The following PIEZO2 variants were observed in gnomAD, a reference collection of about 807,000 sequenced individuals.
The protein encoded by PIEZO2 is piezo type mechanosensitive ion channel component 2.
Under a neutral mutation model 337.3 loss-of-function variants are expected in PIEZO2, and 172 were observed. The observed-to-expected ratio is 0.51, with a 90% confidence interval of 0.45 to 0.58. The LOEUF (loss-of-function observed/expected upper bound fraction) is 0.58, where lower values mean the gene tolerates loss of function less well. Ranked by LOEUF, PIEZO2 falls within the 20% of genes least tolerant of loss-of-function variation. PIEZO2 has a pLI of 0.00. For missense variants in PIEZO2, 3,028 were observed against 3,391.3 expected (o/e 0.89, Z 2.66); for synonymous variants, 1,251 against 1,228.5 (o/e 1.02, Z -0.38).
intron 35 of PIEZO2, among the ~76,000 whole-genome samples, chr18:10,732,442 C>T (rs2036826362): frequency 6.6e-6 from 1 of 152,154 alleles, no homozygotes; most frequent in Admixed American, 6.6e-5. Context: ...TTTCTGAAAT[C>T]TTTGAAAAAC....
At chr18:10,762,772 G>A (rs2038191332) in intron 22 of PIEZO2, 147 bp from the exon 23 acceptor site, 2 of 1,313,348 alleles carry the variant, frequency 1.5e-6, no homozygotes, top group Non-Finnish European at 2.0e-6. Context: ...ATGAGACGAG[G>A]CTTAACACAG....
Position 11,109,450 on chromosome 18 carries a change from TC to T in PIEZO2, c.64+39074del, listed in dbSNP as rs1479317338. Among the ~76,000 whole-genome samples the T allele has an allele frequency of 6.6e-6, 1 of 152,126 alleles. No homozygotes were observed. Among genetic ancestry groups the T allele is most frequent in the Non-Finnish European group, 1.5e-5 (1 of 68,022 alleles). ...TTAGAAATAGGCCAGGCGCGGTGGC[TC>T]ATGTCTGTAATCCCAGCACTTTGGG... On this transcript the variant is annotated intron_variant, in intron 1 of 55. Coordinates refer to ENST00000674853, the MANE Select transcript of PIEZO2 (RefSeq NM_001378183.1). This position sits in a 1 kb window ranked among gnomAD's most constrained non-coding sequence, Gnocchi z 5.1.
chr18:10,718,646 T>C (rs151288474), intron 36 of PIEZO2, among the ~76,000 whole-genome samples: 1 of 152,356 alleles, frequency 6.6e-6, no homozygotes, highest in African/African-American at 2.4e-5. Flanking sequence ...GTATATTATC[T>C]ATAGCTGCTT....
intron 32 of PIEZO2, among the ~76,000 whole-genome samples, chr18:10,741,569 G>A (rs2037218038): frequency 6.6e-6 from 1 of 152,130 alleles, no homozygotes. Context: ...TAGATACTAT[G>A]CACTGGGAAA....
At chr18:10,812,812 T>C (rs1372617504) in intron 7 of PIEZO2, among the ~76,000 whole-genome samples, 1 of 152,114 alleles carries the variant, frequency 6.6e-6, no homozygotes, top group African/African-American at 2.4e-5. Context: ...TGTTGGCAGA[T>C]TTATAAAACC....
At chr18:10,913,116 T>C (rs1367733408) in intron 3 of PIEZO2, among the ~76,000 whole-genome samples, 1 of 152,164 alleles carries the variant, frequency 6.6e-6, no homozygotes, top group African/African-American at 2.4e-5. Flanking sequence ...TTTTTAAAAA[T>C]ATTGTTATTT....
intron 26 of PIEZO2, among the ~76,000 whole-genome samples, chr18:10,758,921 T>C (rs1162286605): frequency 6.6e-6 from 1 of 152,126 alleles, no homozygotes; most frequent in Non-Finnish European, 1.5e-5. Context: ...GCTTTTAAAA[T>C]TAAACCTAAA....
intron 23 of PIEZO2, among the ~76,000 whole-genome samples, chr18:10,762,040 G>C (rs1488581828): frequency 6.6e-6 from 1 of 152,198 alleles, no homozygotes; most frequent in Non-Finnish European, 1.5e-5. Flanking sequence ...AATTTACACA[G>C]CGAAAATGTC....
Position 10,807,289 on chromosome 18 carries a change from A to G in PIEZO2, c.918-15T>C, listed in dbSNP as rs1047166878. 6.5e-7 allele frequency: 1 copy of G among 1,529,692 alleles called. No homozygotes were observed. The highest frequency in any genetic ancestry group is 8.8e-7 in the Non-Finnish European group (1 of 1,141,578). The allele number at this position is 1,529,692 out of a possible 1,614,324, so 94.8% of individuals were successfully genotyped here. ...TACCAAACAACCTGTTAAAAAACAA[A>G]GAAAAATGCTTAAAAGATGCAATAA... On this transcript the variant is annotated splice_polypyrimidine_tract_variant and intron_variant, in intron 7 of 55. Transcript: ENST00000674853.
chr18:10,694,049 T>C (rs1338294491), intron 47 of PIEZO2, among the ~76,000 whole-genome samples: 2 of 152,210 alleles, frequency 1.3e-5, no homozygotes, highest in Non-Finnish European at 2.9e-5. Flanking sequence ...ACTGGGTTAT[T>C]GTGTCTCTTC....
chr18:10,721,896 C>T (rs915973191), intron 36 of PIEZO2, among the ~76,000 whole-genome samples: 4 of 152,132 alleles, frequency 2.6e-5, no homozygotes, highest in Non-Finnish European at 4.4e-5. Context: ...TGGCTCATGC[C>T]TGTAATCCCA....
chr18:10,688,288 A>G (rs2034644014), intron 49 of PIEZO2, among the ~76,000 whole-genome samples: 1 of 152,204 alleles, frequency 6.6e-6, no homozygotes, highest in Non-Finnish European at 1.5e-5. Context: ...TAGTTTGCTG[A>G]GAATGATGGC....
At chr18:10,800,213 G>T in intron 11 of PIEZO2, 124 bp downstream of exon 11, 1 of 1,307,442 alleles carries the variant, frequency 7.6e-7, no homozygotes, top group South Asian at 1.5e-5. Flanking sequence ...AAAGAAGTGA[G>T]GTTAATGACA....
rs920467602 is a variant in PIEZO2, at chr18:10,861,209, C to G, written c.493-3998G>C. The stretch of plus-strand genomic sequence containing the variant: ...AAGCTGTCCCTGCAGCGGAACAGAA[C>G]TTCAATCTGGCCTTGAGGCTAAGGA... On this transcript the variant is annotated intron_variant, in intron 5 of 55. Transcript: ENST00000674853. The surrounding 1 kb of genome is among the most constrained non-coding windows in gnomAD (Gnocchi z 4.3). 1.3e-5 allele frequency among the ~76,000 whole-genome samples: 2 copies of G among 152,212 alleles called. No homozygotes were observed. The highest frequency in any genetic ancestry group is 1.3e-4 in the Admixed American group (2 of 15,288).
chr18:10,757,829 C>T, intron 27 of PIEZO2, 140 bp downstream of exon 27: 1 of 965,064 alleles, frequency 1.0e-6, no homozygotes, highest in Non-Finnish European at 1.5e-6. Flanking sequence ...TGCTGAACCA[C>T]ATTGTCCAGC....
intron 4 of PIEZO2, among the ~76,000 whole-genome samples, chr18:10,889,264 C>A (rs1378645588): frequency 6.6e-6 from 1 of 152,164 alleles, no homozygotes; most frequent in African/African-American, 2.4e-5. Flanking sequence ...TAAACTACCA[C>A]TGAGCAAATG....
intron 2 of PIEZO2, among the ~76,000 whole-genome samples, chr18:11,041,527 G>A (rs1260287210): frequency 6.6e-6 from 1 of 152,192 alleles, no homozygotes; most frequent in African/African-American, 2.4e-5. Context: ...GTAAAGGTCA[G>A]TGGGTTTTTA....
At chr18:11,049,168 C>G (rs2037426704) in intron 2 of PIEZO2, among the ~76,000 whole-genome samples, 2 of 152,182 alleles carry the variant, frequency 1.3e-5, no homozygotes, top group Admixed American at 1.3e-4. Flanking sequence ...AGGGCTTTAT[C>G]CATCTCTTCA....
intron 5 of PIEZO2, among the ~76,000 whole-genome samples, chr18:10,864,701 C>T (rs1171452643): frequency 2.0e-5 from 3 of 152,240 alleles, no homozygotes; most frequent in Non-Finnish European, 2.9e-5. Flanking sequence ...ACCTACATAT[C>T]AGTGTGCCCT....
Sources: gnomAD v4.1 joint callset for allele counts (sites outside exome capture counted in the v4.1 genomes callset) on GRCh38, gnomAD v4.1.1 for gene constraint, Gnocchi (gnomAD v3.1) non-coding constraint, MANE v1.5 for transcripts, NCBI Gene and HGNC (gene_info 2026-07-23, HGNC 2026-07-21) for gene names.